TLN2: variants seen among roughly 807,000 people sequenced by gnomAD.
TLN2 encodes talin 2.
In TLN2, 118 loss-of-function variants were observed where a neutral mutation model predicts 294.7. The observed-to-expected ratio is 0.40, with a 90% CI of 0.34 to 0.47. The LOEUF is 0.47. Among genes scored for constraint, TLN2 ranks in the 20% least tolerant of loss-of-function variants. The probability of loss-of-function intolerance (pLI) is 0.84; values close to 1 mark genes in which losing one functional copy is unlikely to be tolerated. For synonymous variants in TLN2, 1,431 were observed against 1,304.5 expected (o/e 1.10, Z -2.09); for missense variants, 3,083 against 3,282.2 (o/e 0.94, Z 1.48).
intron 27 of TLN2, among the ~76,000 whole-genome samples, chr15:62,726,204 C>G (rs144136979): frequency 6.6e-6 from 1 of 152,178 alleles, no homozygotes; most frequent in South Asian, 2.1e-4. Flanking sequence ...AGGAAAACAT[C>G]ATGAATTTTT....
intron 9 of TLN2, among the ~76,000 whole-genome samples, chr15:62,669,571 A>C (rs2055145945): frequency 6.6e-6 from 1 of 152,178 alleles, no homozygotes. Context: ...AGAACAATTT[A>C]AGGAGACAGT....
chr15:62,711,963 C>G lies in TLN2; in HGVS notation c.2520C>G (p.Val840=). 2.5e-6 allele frequency: 4 copies of G among 1,614,112 alleles called. No homozygotes were observed. The highest frequency in any genetic ancestry group is 3.4e-6 in the Non-Finnish European group (4 of 1,179,970). The change falls in exon 22 of 59, where the codon GTC becomes GTG. Residue 840 remains valine, a synonymous_variant. Coordinates refer to ENST00000636159, the MANE Select transcript of TLN2 (RefSeq NM_015059.3). The stretch of plus-strand genomic sequence containing the variant: ...TGGCCCAAGCCACATCAGACCTCGT[C>G]AATGCCATGAGGTCAGATGCAGAAG... ...RVLAQATSDL[V]NAMRSDAEAE...
At chr15:62,752,567 G>T (rs866452188) in intron 35 of TLN2, 140 bp downstream of exon 35, 69 of 1,293,706 alleles carry the variant, frequency 5.3e-5, no homozygotes, top group Middle Eastern at 5.2e-4. Flanking sequence ...GCTGGCTGGG[G>T]CATTTACACA....
chr15:62,609,118 C>G (rs1004862479), intron 2 of TLN2, among the ~76,000 whole-genome samples: 3 of 151,976 alleles, frequency 2.0e-5, no homozygotes, highest in African/African-American at 7.3e-5. Flanking sequence ...GGGCCTCCTC[C>G]CTTGTCACAC....
chr15:62,559,061 A>C (rs2042768805), intron 1 of TLN2, among the ~76,000 whole-genome samples: 1 of 152,126 alleles, frequency 6.6e-6, no homozygotes, highest in South Asian at 2.1e-4. Context: ...ATTCTCTTCA[A>C]ACCCCTGTGA....
intron 28 of TLN2, among the ~76,000 whole-genome samples, chr15:62,736,315 C>CAA (rs61124774): frequency 2.3e-3 from 170 of 74,968 alleles, no homozygotes; most frequent in African/African-American, 5.3e-3. Flanking sequence ...GACTCTGTCT[C>CAA]AAAAAAAAAA....
In TLN2 at chr15:62,581,115, A is replaced by G. The variant is rs61054075; in HGVS notation, c.-237-8572A>G. 3.7e-4 allele frequency among the ~76,000 whole-genome samples: 57 copies of G among 152,126 alleles called. No homozygotes were observed. The East Asian group carries it at 0.01, about 27-fold the overall frequency. ...GCCCGGATGGTCTCCTAACACCTCA[A>G]GTGATCCGCCTGCCTTGGCCTCCTA... On this transcript the variant is annotated intron_variant, in intron 1 of 58. Coordinates refer to ENST00000636159, the MANE Select transcript of TLN2 (RefSeq NM_015059.3).
chr15:62,651,952 T>C, intron 5 of TLN2, 53 bp from the exon 6 acceptor site: 1 of 1,493,956 alleles, frequency 6.7e-7, no homozygotes, highest in South Asian at 1.4e-5. Context: ...TGTTCAAGTT[T>C]GTTATTTATT....
At chr15:62,737,196 T>A (rs937762399) in intron 29 of TLN2, 110 bp downstream of exon 29, 1 of 1,149,702 alleles carries the variant, frequency 8.7e-7, no homozygotes, top group Middle Eastern at 2.1e-4. Flanking sequence ...ACACAGCAGA[T>A]GTTTTCAGAA....
chr15:62,796,139 C>T lies in TLN2; in HGVS notation c.5896C>T (p.Leu1966Phe). The change falls in exon 47 of 59, where the codon CTC (leucine) becomes TTC (phenylalanine). Residue 1966 changes from leucine (L) to phenylalanine (F), a missense_variant. By Grantham distance (22) the Leu-to-Phe change is conservative (BLOSUM62 0). Transcript: ENST00000636159. ...TTTCTGCCTACAGGTCTCCTTGGTG[C>T]TCTCGGCTCTCCAGGCCGGGAACAA... Reference protein sequence around the residue: ...RAVTEKVSLVLSALQAGNKGT... With the variant: ...RAVTEKVSLVFSALQAGNKGT... 6.2e-7 allele frequency: 1 copy of T among 1,614,158 alleles called. No individual in the cohort carries two copies. The highest frequency in any genetic ancestry group is 8.5e-7 in the Non-Finnish European group (1 of 1,179,982).
chr15:62,714,723 C>G lies in TLN2; in HGVS notation c.2635-1608C>G, dbSNP rs76085569. ...CTGAATTTTGTTGAAAGCTAAAGAA[C>G]ACGCAATGGTTAGACTTCCAAGGAT... On this transcript the variant is annotated intron_variant, in intron 22 of 58. Transcript: ENST00000636159. Among the ~76,000 whole-genome samples the G allele has an allele frequency of 2.1e-3, 315 of 152,242 alleles. 1 individual carries two copies. The highest frequency in any genetic ancestry group is 6.5e-3 in the African/African-American group (268 of 41,540).
chr15:62,398,965 T>C (rs1421161215), intron 1 of TLN2, among the ~76,000 whole-genome samples: 2 of 152,104 alleles, frequency 1.3e-5, no homozygotes, highest in African/African-American at 4.8e-5. Flanking sequence ...GAAAAATGGT[T>C]TCGTGGGCTG....
At chr15:62,772,381 G>C (rs1319220574) in intron 42 of TLN2, among the ~76,000 whole-genome samples, 1 of 152,034 alleles carries the variant, frequency 6.6e-6, no homozygotes, top group African/African-American at 2.4e-5. Context: ...AGAGTCTTTT[G>C]GAAAAATAAG....
At chr15:62,584,592 T>G (rs2045432039) in intron 1 of TLN2, among the ~76,000 whole-genome samples, 2 of 152,212 alleles carry the variant, frequency 1.3e-5, no homozygotes, top group South Asian at 4.1e-4. Flanking sequence ...GCATCTCCCC[T>G]TGGAGTCTCA....
At position 62,841,407 on chromosome 15, in the gene TLN2, T is replaced by C. The variant is rs2070686921; in HGVS notation, c.*797T>C. The C allele has an allele frequency of 6.6e-6, 1 of 152,210 alleles. No homozygotes were observed. The highest frequency in any genetic ancestry group is 1.5e-5 in the Non-Finnish European group (1 of 68,060). The allele number at this position is 152,210 out of a possible 1,614,324, so 9.4% of individuals were successfully genotyped here. On this transcript the variant is annotated 3_prime_UTR_variant, in exon 59 of 59. Coordinates refer to ENST00000636159, the MANE Select transcript of TLN2 (RefSeq NM_015059.3). Reference sequence around the variant, plus strand: ...ATCCACACAAACCCACGGCTCCCAGTTGACAGTCAGTGGAATGCTCGTCTC... The same window carrying C: ...ATCCACACAAACCCACGGCTCCCAGCTGACAGTCAGTGGAATGCTCGTCTC...
chr15:62,639,873 C>T (rs1003334962), intron 3 of TLN2, among the ~76,000 whole-genome samples: 26 of 152,332 alleles, frequency 1.7e-4, no homozygotes, highest in South Asian at 4.1e-4. Context: ...GCTGGACTGA[C>T]GATGAGATCA....
At chr15:62,826,439 C>T (rs1265029427) in intron 54 of TLN2, among the ~76,000 whole-genome samples, 2 of 152,188 alleles carry the variant, frequency 1.3e-5, no homozygotes, top group Non-Finnish European at 2.9e-5. Flanking sequence ...CTCTGCCACC[C>T]ATTTTGCCTG....
intron 12 of TLN2, among the ~76,000 whole-genome samples, chr15:62,691,611 A>G (rs954685755): frequency 6.6e-6 from 1 of 152,152 alleles, no homozygotes; most frequent in African/African-American, 2.4e-5. Context: ...TCTGTCATTC[A>G]TATTGTGGGT....
intron 21 of TLN2, 37 bp downstream of exon 21, chr15:62,708,833 T>A: frequency 1.3e-6 from 2 of 1,567,844 alleles, no homozygotes; most frequent in East Asian, 4.5e-5. Context: ...GATGGGTGGC[T>A]TTTGATGTTC....
Sources: gnomAD v4.1 joint callset for allele counts (sites outside exome capture counted in the v4.1 genomes callset) on GRCh38, gnomAD v4.1.1 for gene constraint, MANE v1.5 for transcripts, NCBI Gene and HGNC (gene_info 2026-07-23, HGNC 2026-07-21) for gene names.